PTPN1: variants seen among roughly 807,000 people sequenced by gnomAD.
PTPN1 encodes protein tyrosine phosphatase non-receptor type 1.
PTPN1 carries 12 observed loss-of-function variants against 59.9 expected under a neutral mutation model. That is an observed-to-expected ratio of 0.20 (90% CI 0.13 to 0.32). The LOEUF is 0.32. Among genes scored for constraint, PTPN1 ranks in the 10% least tolerant of loss-of-function variants. PTPN1 has a pLI of 1.00. For synonymous variants in PTPN1, 178 were observed against 203.6 expected (o/e 0.87, Z 1.07); for missense variants, 356 against 549.2 (o/e 0.65, Z 3.52).
intron 1 of PTPN1, among the ~76,000 whole-genome samples, chr20:50,527,483 A>G (rs984446871): frequency 2.6e-5 from 4 of 151,968 alleles, no homozygotes; most frequent in Non-Finnish European, 5.9e-5. Flanking sequence ...AGCTGGGATT[A>G]CAGGTGCCTG....
rs372772870 is a variant in PTPN1 at position 50,565,074 on chromosome 20, G to A, written c.255+5G>A. 41 of 1,605,378 alleles carry A rather than the reference G, an allele frequency of 2.6e-5. No homozygotes were observed. The African/African-American group carries it at 5.1e-4, about 20-fold the overall frequency. ...AGGAGTTACATTCTTACCCAGGTAA[G>A]CAGATTGTCTGAATTTTCTATTTAA... On this transcript the variant is annotated splice_donor_5th_base_variant and intron_variant, in intron 3 of 9. Coordinates refer to ENST00000371621, the MANE Select transcript of PTPN1 (RefSeq NM_002827.4).
At chr20:50,539,228 T>A (rs2082638008) in intron 1 of PTPN1, among the ~76,000 whole-genome samples, 1 of 106,262 alleles carries the variant, frequency 9.4e-6, no homozygotes, top group Non-Finnish European at 1.9e-5. Flanking sequence ...AGAGACAAGG[T>A]TTCTTCCATG....
At position 50,581,258 on chromosome 20, in the gene PTPN1, T is replaced by C; in HGVS notation, c.1089-7T>C. ...GAGTAACCCATCTCTGCCCTCTGAT[T>C]CCTCAGCATGAGTCAAGACACTGAA... On this transcript the variant is annotated splice_polypyrimidine_tract_variant and splice_region_variant and intron_variant, in intron 8 of 9. Transcript: ENST00000371621. 6.3e-7 allele frequency: 1 copy of C among 1,585,694 alleles called. No homozygotes were observed. The highest frequency in any genetic ancestry group is 1.7e-5 in the Admixed American group (1 of 58,568).
intron 1 of PTPN1, among the ~76,000 whole-genome samples, chr20:50,513,515 T>G (rs1483536246): frequency 6.6e-6 from 1 of 152,216 alleles, no homozygotes; most frequent in African/African-American, 2.4e-5. Context: ...TTTGATTCTC[T>G]GACACCACTC....
chr20:50,580,136 G>A (rs753603334), intron 8 of PTPN1, among the ~76,000 whole-genome samples: 2 of 152,222 alleles, frequency 1.3e-5, no homozygotes, highest in Non-Finnish European at 2.9e-5. Flanking sequence ...CAGGACATGA[G>A]CCACTTCTGT....
At chr20:50,563,245 G>A (rs1289632194) in intron 2 of PTPN1, 1 of 151,860 alleles carries the variant, frequency 6.6e-6, no homozygotes, top group Admixed American at 6.6e-5. Context: ...CTATCCTCCA[G>A]TAGAAACAGT....
chr20:50,537,558 G>T (rs964731142), intron 1 of PTPN1, among the ~76,000 whole-genome samples: 24 of 152,122 alleles, frequency 1.6e-4, no homozygotes, highest in African/African-American at 5.8e-4. Flanking sequence ...TTATAAAGCT[G>T]TTTTTAATGT....
rs2082883678 is a variant in PTPN1, at chr20:50,583,989, A to AG, written c.*1275dup. 2 of 152,652 alleles carry AG rather than the reference A, an allele frequency of 1.3e-5. No individual in the cohort carries two copies. Among genetic ancestry groups the AG allele is most frequent in the South Asian group, 4.1e-4 (2 of 4,832 alleles). 9.5% of individuals were successfully genotyped at this position (152,652 alleles called of 1,614,324 possible). A position where few individuals can be genotyped will look rare whatever the true frequency, so the allele number is the denominator to read the frequency against. On this transcript the variant is annotated 3_prime_UTR_variant, in exon 10 of 10. Transcript: ENST00000371621. ...CAGCCTGGGTGACGGTCCTTTAGGCAGCCTGCCGCCGTCTCTGTCCCGGTT... is the reference window on the plus strand; with the variant it reads ...CAGCCTGGGTGACGGTCCTTTAGGCAGGCCTGCCGCCGTCTCTGTCCCGGTT...
At chr20:50,556,416 C>T (rs1005844063) in intron 1 of PTPN1, among the ~76,000 whole-genome samples, 3 of 152,050 alleles carry the variant, frequency 2.0e-5, no homozygotes, top group Non-Finnish European at 4.4e-5. Flanking sequence ...ATCTTGAACT[C>T]CTGGGCTCAA....
intron 1 of PTPN1, 57 bp downstream of exon 1, chr20:50,510,647 C>T (rs1453827267): frequency 2.0e-6 from 3 of 1,519,616 alleles, no homozygotes; most frequent in Admixed American, 2.1e-5. Flanking sequence ...TGAACATCCC[C>T]TCAGACCTCC....
rs2082894368 is a variant in PTPN1, at chr20:50,585,178, A to C, written c.*2463A>C. ...CACTTGATATAGAATTGACTTAGAAATAAGACAGATTAGTATAGTTTTTCA... is the reference window on the plus strand; with the variant it reads ...CACTTGATATAGAATTGACTTAGAACTAAGACAGATTAGTATAGTTTTTCA... On this transcript the variant is annotated 3_prime_UTR_variant, in exon 10 of 10. Coordinates refer to ENST00000371621, the MANE Select transcript of PTPN1 (RefSeq NM_002827.4). 1 of 152,264 alleles carries C rather than the reference A, an allele frequency of 6.6e-6. No homozygotes were observed. The highest frequency in any genetic ancestry group is 1.5e-5 in the Non-Finnish European group (1 of 68,044). 9.4% of individuals were successfully genotyped at this position (152,264 alleles called of 1,614,324 possible).
In PTPN1 at chr20:50,582,934, C is replaced by G. The variant is rs2082876442; in HGVS notation, c.*219C>G. 15 of 600,874 alleles carry G rather than the reference C, an allele frequency of 2.5e-5. No homozygotes were observed. In the South Asian group the frequency reaches 2.9e-4, roughly 12 times the overall value. 37.2% of individuals were successfully genotyped at this position (600,874 alleles called of 1,614,324 possible). On this transcript the variant is annotated 3_prime_UTR_variant, in exon 10 of 10. Transcript: ENST00000371621. This position sits in a 1 kb window ranked among gnomAD's most constrained non-coding sequence, Gnocchi z 4.2. ...GCCCCTTCCACTTTGAGTACCAAATCCACAAGCCATTTTTTGAGGAGAGTG... is the reference window on the plus strand; with the variant it reads ...GCCCCTTCCACTTTGAGTACCAAATGCACAAGCCATTTTTTGAGGAGAGTG...
At chr20:50,560,174 C>T (rs1345233066) in intron 1 of PTPN1, among the ~76,000 whole-genome samples, 1 of 152,014 alleles carries the variant, frequency 6.6e-6, no homozygotes, top group Non-Finnish European at 1.5e-5. Context: ...GAAAAGGACT[C>T]GAGTTCCTGG....
At position 50,582,402 on chromosome 20, in the gene PTPN1, C is replaced by T. The variant is rs2082873480; in HGVS notation, c.1285-290C>T. Among the ~76,000 whole-genome samples the T allele has an allele frequency of 6.6e-6, 1 of 152,238 alleles. No individual in the cohort carries two copies. Among genetic ancestry groups the T allele is most frequent in the Admixed American group, 6.5e-5 (1 of 15,286 alleles). ...AGTAAGGGGAAGAGAGAGGACTAGCCTCAGAGCTCTGGCCATGGAAATGAC... is the reference window on the plus strand; with the variant it reads ...AGTAAGGGGAAGAGAGAGGACTAGCTTCAGAGCTCTGGCCATGGAAATGAC... On this transcript the variant is annotated intron_variant, in intron 9 of 9. Transcript: ENST00000371621. The surrounding 1 kb of genome is among the most constrained non-coding windows in gnomAD (Gnocchi z 4.2).
At chr20:50,548,402 T>G (rs944141200) in intron 1 of PTPN1, among the ~76,000 whole-genome samples, 2 of 152,158 alleles carry the variant, frequency 1.3e-5, no homozygotes, top group African/African-American at 4.8e-5. Context: ...TTTCTAATCT[T>G]AAGTATATTT....
intron 1 of PTPN1, among the ~76,000 whole-genome samples, chr20:50,515,821 T>G (rs1171484854): frequency 6.6e-6 from 1 of 152,174 alleles, no homozygotes; most frequent in Non-Finnish European, 1.5e-5. Context: ...TGGAAACAAA[T>G]AGATTAGCCC....
intron 1 of PTPN1, among the ~76,000 whole-genome samples, chr20:50,528,080 C>T (rs1294741680): frequency 5.3e-5 from 8 of 152,196 alleles, no homozygotes; most frequent in African/African-American, 1.9e-4. Context: ...TGGAGCCTTG[C>T]ATATGCTGTT....
At chr20:50,579,593 A>G (rs922683198) in intron 7 of PTPN1, 110 bp from the exon 8 acceptor site, 2 of 1,010,086 alleles carry the variant, frequency 2.0e-6, no homozygotes, top group Non-Finnish European at 3.0e-6. Context: ...TGCAGCCCTG[A>G]GAGGCCGAGA....
At position 50,582,722 on chromosome 20, in the gene PTPN1, C is replaced by T; in HGVS notation, c.*7C>T. ...GTTCAACAGCAACACATAGCCTGAC[C>T]CTCCTCCACTCCACCTCCACCCACT... On this transcript the variant is annotated 3_prime_UTR_variant, in exon 10 of 10. Coordinates refer to ENST00000371621, the MANE Select transcript of PTPN1 (RefSeq NM_002827.4). The surrounding 1 kb of genome is among the most constrained non-coding windows in gnomAD (Gnocchi z 4.2). 6.2e-7 allele frequency: 1 copy of T among 1,613,734 alleles called. No individual in the cohort carries two copies. Among genetic ancestry groups the T allele is most frequent in the Non-Finnish European group, 8.5e-7 (1 of 1,179,874 alleles).
Sources: allele counts gnomAD v4.1 joint callset (sites outside exome capture counted in the v4.1 genomes callset), GRCh38; gene constraint gnomAD v4.1.1; non-coding constraint Gnocchi (gnomAD v3.1); transcripts MANE v1.5; gene names NCBI Gene and HGNC (gene_info 2026-07-23, HGNC 2026-07-21).